The following TMTC2 variants were observed in gnomAD, a reference collection of about 807,000 sequenced individuals.
TMTC2 encodes the protein protein O-mannosyl-transferase TMTC2.
A neutral mutation model predicts 82.4 loss-of-function variants in TMTC2; 43 were observed. That is an observed-to-expected ratio of 0.52 (90% CI 0.41 to 0.67). The LOEUF is 0.67. Among genes scored for constraint, TMTC2 ranks in the 30% least tolerant of loss-of-function variants. TMTC2 has a pLI of 0.00. For synonymous variants in TMTC2, 408 were observed against 381.9 expected (o/e 1.07, Z -0.80); for missense variants, 919 against 1,012.4 (o/e 0.91, Z 1.25).
chr12:83,012,766 T>C (rs1483533231), intron 8 of TMTC2, among the ~76,000 whole-genome samples: 1 of 152,160 alleles, frequency 6.6e-6, no homozygotes, highest in African/African-American at 2.4e-5. Flanking sequence ...TTGTAGAATT[T>C]CATGAACAGT....
chr12:82,915,120 C>T (rs1306994329), intron 3 of TMTC2, among the ~76,000 whole-genome samples: 1 of 152,064 alleles, frequency 6.6e-6, no homozygotes, highest in Non-Finnish European at 1.5e-5. Flanking sequence ...CCACTGTGCT[C>T]GGCCTTACAA....
intron 7 of TMTC2, among the ~76,000 whole-genome samples, chr12:82,982,461 G>C (rs1344276053): frequency 7.2e-6 from 1 of 138,070 alleles, no homozygotes; most frequent in Non-Finnish European, 1.6e-5. Context: ...TTGCATTTTA[G>C]GTTTTGCATC....
intron 2 of TMTC2, among the ~76,000 whole-genome samples, chr12:82,880,614 A>G (rs1310984516): frequency 1.3e-5 from 2 of 152,162 alleles, no homozygotes; most frequent in African/African-American, 4.8e-5. Flanking sequence ...CCAGACATGC[A>G]CCTGGCAAAA....
At chr12:83,122,438 CT>C (rs1489171680) in intron 11 of TMTC2, among the ~76,000 whole-genome samples, 2 of 152,040 alleles carry the variant, frequency 1.3e-5, no homozygotes, top group Non-Finnish European at 2.9e-5. Flanking sequence ...TGAAGGACCC[CT>C]GTGAGGCCAG....
At chr12:83,012,290 A>G (rs1054956625) in intron 8 of TMTC2, among the ~76,000 whole-genome samples, 1 of 152,218 alleles carries the variant, frequency 6.6e-6, no homozygotes, top group African/African-American at 2.4e-5. Context: ...AAAAAAATAA[A>G]TATTAAAAGT....
At chr12:82,941,429 C>T (rs1454705536) in intron 4 of TMTC2, among the ~76,000 whole-genome samples, 1 of 152,164 alleles carries the variant, frequency 6.6e-6, no homozygotes, top group Non-Finnish European at 1.5e-5. Context: ...TTAAATCATG[C>T]ATATGTTGAT....
intron 7 of TMTC2, among the ~76,000 whole-genome samples, chr12:82,969,632 A>G (rs565354556): frequency 9.6e-4 from 146 of 152,312 alleles, no homozygotes; most frequent in Middle Eastern, 3.4e-3. Flanking sequence ...CTGAATGCCA[A>G]GTGAATGTGT....
At chr12:82,743,892 C>T (rs1875543699) in intron 1 of TMTC2, among the ~76,000 whole-genome samples, 1 of 152,052 alleles carries the variant, frequency 6.6e-6, no homozygotes, top group Non-Finnish European at 1.5e-5. Flanking sequence ...CATTGTTTCT[C>T]ATTGTTTTCT....
intron 11 of TMTC2, among the ~76,000 whole-genome samples, chr12:83,092,443 AT>A (rs1444457633): frequency 6.6e-6 from 1 of 152,214 alleles, no homozygotes; most frequent in Non-Finnish European, 1.5e-5. Flanking sequence ...ACACATATCC[AT>A]TCAGGTCACG....
intron 2 of TMTC2, among the ~76,000 whole-genome samples, chr12:82,889,439 AGGGGAGCCACACACAGAT>A (rs1206513572): frequency 5.9e-5 from 9 of 152,126 alleles, no homozygotes; most frequent in Non-Finnish European, 1.2e-4. Flanking sequence ...TTTCGAATAA[AGGGGAGCCACACACAGAT>A]GGGGAGCCAC....
intron 1 of TMTC2, among the ~76,000 whole-genome samples, chr12:82,706,851 G>C (rs115271804): frequency 6.6e-6 from 1 of 152,070 alleles, no homozygotes; most frequent in Non-Finnish European, 1.5e-5. Flanking sequence ...ATGGAAAGAC[G>C]TGCCTACTTT....
At chr12:82,696,960 ATACG>A (rs1390600595) in intron 1 of TMTC2, among the ~76,000 whole-genome samples, 1 of 147,546 alleles carries the variant, frequency 6.8e-6, no homozygotes, top group East Asian at 2.1e-4. Context: ...ACATACATAC[ATACG>A]TATATATATA....
At chr12:82,696,770 T>C (rs1284157793) in intron 1 of TMTC2, among the ~76,000 whole-genome samples, 1 of 152,092 alleles carries the variant, frequency 6.6e-6, no homozygotes, top group Non-Finnish European at 1.5e-5. Context: ...TGAGGATGCC[T>C]GTGGCTGGCA....
At chr12:83,069,982 G>A (rs555979681) in intron 11 of TMTC2, among the ~76,000 whole-genome samples, 8 of 151,974 alleles carry the variant, frequency 5.3e-5, no homozygotes, top group Admixed American at 3.3e-4. Flanking sequence ...TTGCTTTGTC[G>A]AAGATCAATT....
chr12:83,065,042 C>T lies in TMTC2; in HGVS notation c.2331+3211C>T, dbSNP rs541081086. Among the ~76,000 whole-genome samples the T allele has an allele frequency of 6.6e-5, 10 of 151,868 alleles. No individual in the cohort carries two copies. The South Asian group carries it at 2.1e-3, about 32-fold the overall frequency. Reference sequence around the variant, plus strand: ...CATTTTCTTCTATTTTTAAGTACCCCTGAGAGGGTAAAAATCTGTAGCTGT... The same window carrying T: ...CATTTTCTTCTATTTTTAAGTACCCTTGAGAGGGTAAAAATCTGTAGCTGT... On this transcript the variant is annotated intron_variant, in intron 11 of 11. Coordinates refer to ENST00000321196, the MANE Select transcript of TMTC2 (RefSeq NM_152588.3).
intron 4 of TMTC2, among the ~76,000 whole-genome samples, chr12:82,945,907 G>A (rs977106166): frequency 1.9e-4 from 29 of 152,146 alleles, no homozygotes; most frequent in Non-Finnish European, 4.4e-5. Context: ...TGGATATTTA[G>A]ATGATAGTGA....
intron 9 of TMTC2, among the ~76,000 whole-genome samples, chr12:83,045,154 C>T (rs1018844519): frequency 6.6e-6 from 1 of 152,170 alleles, no homozygotes; most frequent in African/African-American, 2.4e-5. Flanking sequence ...TTCCCTTTTC[C>T]CACTTTAGCC....
intron 1 of TMTC2, among the ~76,000 whole-genome samples, chr12:82,728,736 G>A (rs968524379): frequency 1.3e-4 from 20 of 152,232 alleles, no homozygotes; most frequent in African/African-American, 4.8e-4. Context: ...GCCAAGGCCG[G>A]AGCCAGCTTC....
rs540736767 is a variant in TMTC2 at position 82,731,290 on chromosome 12, C to A, written c.83+43621C>A. Among the ~76,000 whole-genome samples, 6 of 152,310 alleles carry A rather than the reference C, an allele frequency of 3.9e-5. No homozygotes were observed. In the South Asian group the frequency reaches 8.3e-4, roughly 21 times the overall value. Reference sequence around the variant, plus strand: ...TTATCGCTGAACTGAGCAAATGTTTCTGCGTAGGTTGCCAACGTGGGGCTC... The same window carrying A: ...TTATCGCTGAACTGAGCAAATGTTTATGCGTAGGTTGCCAACGTGGGGCTC... On this transcript the variant is annotated intron_variant, in intron 1 of 11. Transcript: ENST00000321196.
Sources: allele counts gnomAD v4.1 joint callset (sites outside exome capture counted in the v4.1 genomes callset), GRCh38; gene constraint gnomAD v4.1.1; transcripts MANE v1.5; gene names NCBI Gene and HGNC (gene_info 2026-07-23, HGNC 2026-07-21).